Variants in FER1L6 observed in about 807,000 individuals in gnomAD.
FER1L6 encodes the protein fer-1-like protein 6.
FER1L6 carries 177 observed loss-of-function variants against 219.2 expected under a neutral mutation model. That is an observed-to-expected ratio of 0.81 (90% CI 0.71 to 0.91). The LOEUF (loss-of-function observed/expected upper bound fraction) is 0.91, where lower values mean the gene tolerates loss of function less well. FER1L6 is among the 40% of genes least tolerant of loss of function. The probability of loss-of-function intolerance (pLI) is 0.00; values close to 1 mark genes in which losing one functional copy is unlikely to be tolerated. For synonymous variants in FER1L6, 768 were observed against 824.3 expected (o/e 0.93, Z 1.17); for missense variants, 2,153 against 2,259.9 (o/e 0.95, Z 0.96).
At chr8:124,008,697 C>T (rs1222050474) in intron 13 of FER1L6, among the ~76,000 whole-genome samples, 1 of 152,010 alleles carries the variant, frequency 6.6e-6, no homozygotes, top group Non-Finnish European at 1.5e-5. Context: ...AATAGACAAC[C>T]CACAGAGTGG....
At chr8:124,095,120 C>A in intron 35 of FER1L6, 82 bp downstream of exon 35, 1 of 1,552,072 alleles carries the variant, frequency 6.4e-7, no homozygotes. Context: ...ACAATTTTGA[C>A]CTTCCCTCAG....
chr8:123,915,036 C>CTTTTTTT (rs56930256), intron 1 of FER1L6, among the ~76,000 whole-genome samples: 1 of 146,862 alleles, frequency 6.8e-6, no homozygotes, highest in Non-Finnish European at 1.5e-5. Flanking sequence ...GTATTACATG[C>CTTTTTTT]TTTTTTTTTT....
intron 5 of FER1L6, among the ~76,000 whole-genome samples, chr8:123,966,764 G>A (rs1179953994): frequency 2.0e-5 from 3 of 152,068 alleles, no homozygotes; most frequent in African/African-American, 4.8e-5. Context: ...TCTAAATATC[G>A]TACATGCTAA....
chr8:123,986,221 G>A (rs762508286), intron 12 of FER1L6, 45 bp downstream of exon 12: 1 of 1,176,134 alleles, frequency 8.5e-7, no homozygotes, highest in African/African-American at 1.5e-5. Flanking sequence ...CATGGATTTA[G>A]TATCTATTTC....
chr8:123,981,264 C>T (rs1039981964), intron 11 of FER1L6, among the ~76,000 whole-genome samples: 3 of 152,130 alleles, frequency 2.0e-5, no homozygotes, highest in Non-Finnish European at 4.4e-5. Flanking sequence ...TCCCCTACCC[C>T]AAACCTGTGC....
intron 20 of FER1L6, 105 bp downstream of exon 20, chr8:124,040,111 T>A (rs750260033): frequency 7.7e-6 from 11 of 1,432,788 alleles, no homozygotes; most frequent in Non-Finnish European, 1.1e-5. Flanking sequence ...AATACCTGCA[T>A]CTTTGGGTGT....
chr8:123,894,168 T>C (rs1812702472), intron 1 of FER1L6, among the ~76,000 whole-genome samples: 1 of 152,156 alleles, frequency 6.6e-6, no homozygotes, highest in Non-Finnish European at 1.5e-5. Context: ...CCTCTCAAAA[T>C]GTATCAAAGA....
At chr8:123,862,343 T>G (rs1816760660) in intron 1 of FER1L6, among the ~76,000 whole-genome samples, 1 of 122,436 alleles carries the variant, frequency 8.2e-6, no homozygotes. Context: ...TTGATCATGG[T>G]GGATAAGCTT....
intron 1 of FER1L6, among the ~76,000 whole-genome samples, chr8:123,896,514 T>G (rs76685476): frequency 0.018 from 2,689 of 152,314 alleles, 48 homozygotes; most frequent in African/African-American, 0.046. Flanking sequence ...CTGGAAAGAT[T>G]TTTGGAAGGA....
chr8:123,861,190 T>C (rs1011222269), intron 1 of FER1L6, among the ~76,000 whole-genome samples: 2 of 128,696 alleles, frequency 1.6e-5, no homozygotes, highest in Admixed American at 8.0e-5. Context: ...AGTTTCAGCT[T>C]TCTACGTATG....
At chr8:123,952,621 G>A (rs2130097217) in intron 1 of FER1L6, among the ~76,000 whole-genome samples, 1 of 152,298 alleles carries the variant, frequency 6.6e-6, no homozygotes, top group Admixed American at 6.5e-5. Context: ...GGTTGGGGAT[G>A]TGGTGGCAGC....
chr8:124,052,033 T>A (rs935819823), intron 22 of FER1L6, among the ~76,000 whole-genome samples: 1 of 152,072 alleles, frequency 6.6e-6, no homozygotes, highest in Non-Finnish European at 1.5e-5. Context: ...CCTAGGAGGG[T>A]AGGACTAGAA....
At chr8:123,927,263 GA>G (rs1197399343) in intron 1 of FER1L6, among the ~76,000 whole-genome samples, 1 of 152,020 alleles carries the variant, frequency 6.6e-6, no homozygotes, top group Non-Finnish European at 1.5e-5. Flanking sequence ...CTCATTTTGG[GA>G]AAAAAACTAT....
intron 2 of FER1L6, among the ~76,000 whole-genome samples, chr8:123,962,182 C>A (rs1370674991): frequency 6.6e-6 from 1 of 152,158 alleles, no homozygotes; most frequent in Non-Finnish European, 1.5e-5. Context: ...AACCACTGTG[C>A]CCAGCCTGTC....
intron 31 of FER1L6, among the ~76,000 whole-genome samples, chr8:124,075,972 T>G (rs1821266589): frequency 6.6e-6 from 1 of 152,210 alleles, no homozygotes; most frequent in African/African-American, 2.4e-5. Flanking sequence ...CAATAATTTT[T>G]CTTTTTAGCA....
At position 124,035,303 on chromosome 8, in the gene FER1L6, G is replaced by A. The variant is rs1819150764; in HGVS notation, c.2313G>A (p.Trp771Ter). 6.2e-7 allele frequency: 1 copy of A among 1,613,936 alleles called. No individual in the cohort carries two copies. The highest frequency in any genetic ancestry group is 2.2e-5 in the East Asian group (1 of 44,880). The stretch of plus-strand genomic sequence containing the variant: ...CTCCTGGGAAACGACCGGCTGGTTG[G>A]TCTGTGCAAGCAAAAGTCGACGTGT... ...LKPPGKRPAG[W>*]SVQAKVDVYL... Residue 771 changes from tryptophan to a stop codon, truncating the protein, a stop_gained, in exon 19 of 41, where the codon TGG becomes TGA. Transcript: ENST00000522917. LOFTEE classifies it high-confidence loss of function.
At position 124,102,024 on chromosome 8, in the gene FER1L6, A is replaced by G. The variant is rs57182710; in HGVS notation, c.5125+686A>G. On this transcript the variant is annotated intron_variant, in intron 38 of 40. Transcript: ENST00000522917. ...AATAGAAAGGAATGTCTAGGTTATG[A>G]TAAGGGGTTGTGAAGACCAAGGTTT... Among the ~76,000 whole-genome samples, 1,297 of 152,326 alleles carry G rather than the reference A, an allele frequency of 8.5e-3. 22 individuals are homozygous for G. The highest frequency in any genetic ancestry group is 0.029 in the African/African-American group (1,218 of 41,578).
chr8:124,076,736 G>A (rs1821311984), intron 32 of FER1L6, among the ~76,000 whole-genome samples: 1 of 152,138 alleles, frequency 6.6e-6, no homozygotes, highest in African/African-American at 2.4e-5. Context: ...TATAAACAAG[G>A]CAGCCAAGGT....
chr8:124,064,633 C>T (rs551614115), intron 26 of FER1L6, 60 bp downstream of exon 26: 27 of 1,476,868 alleles, frequency 1.8e-5, no homozygotes, highest in Non-Finnish European at 2.5e-5. Flanking sequence ...TTGCAGGTCT[C>T]AGACAATATG....
Sources: gnomAD v4.1 joint callset for allele counts (sites outside exome capture counted in the v4.1 genomes callset) on GRCh38, gnomAD v4.1.1 for gene constraint, MANE v1.5 for transcripts, NCBI Gene and HGNC (gene_info 2026-07-23, HGNC 2026-07-21) for gene names.